The following PCDH11X variants were observed in gnomAD, a reference collection of about 807,000 sequenced individuals.
The protein encoded by PCDH11X is protocadherin-11 X-linked.
In PCDH11X, 18 loss-of-function variants were observed where a neutral mutation model predicts 53.3. The observed-to-expected ratio is 0.34, with a 90% CI of 0.23 to 0.50. The LOEUF is 0.50. Among genes scored for constraint, PCDH11X ranks in the 20% least tolerant of loss-of-function variants. The pLI is 0.98. For synonymous variants in PCDH11X, 279 were observed against 393.3 expected, an observed-to-expected ratio of 0.71 and a Z score of 3.44; for missense variants, 570 against 1,032.4, an observed-to-expected ratio of 0.55 and a Z score of 6.14.
intron 1 of PCDH11X, among the ~76,000 whole-genome samples, chrX:91,791,856 CA>C (rs1329992707): frequency 1.4e-4 from 11 of 80,103 alleles, no homozygotes; most frequent in South Asian, 5.8e-4. Flanking sequence ...ACGATCAGTA[CA>C]TTTTTTTTTT....
At chrX:92,160,460 C>A (rs1171738675) in intron 6 of PCDH11X, among the ~76,000 whole-genome samples, 17 of 108,569 alleles carry the variant, frequency 1.6e-4, no homozygotes, top group Non-Finnish European at 2.7e-4. Context: ...AGTCTCCGAT[C>A]CTATCCAGGT....
intron 6 of PCDH11X, among the ~76,000 whole-genome samples, chrX:92,184,340 A>G (rs1258012897): frequency 8.9e-6 from 1 of 112,362 alleles, no homozygotes; most frequent in Non-Finnish European, 1.9e-5. Flanking sequence ...TGCATCTACA[A>G]TAAAATGGAA....
chrX:92,597,341 G>A (rs905128890), intron 10 of PCDH11X, among the ~76,000 whole-genome samples: 2 of 110,264 alleles, frequency 1.8e-5, no homozygotes, highest in African/African-American at 6.6e-5. Flanking sequence ...TGCACGATAT[G>A]AAATAAAAAT....
intron 6 of PCDH11X, among the ~76,000 whole-genome samples, chrX:92,143,042 T>G (rs2065213166): frequency 1.8e-5 from 2 of 111,231 alleles, no homozygotes; most frequent in Admixed American, 1.9e-4. Flanking sequence ...TTTGGGAGGC[T>G]AAGGTGGGAG....
chrX:92,113,131 GA>G (rs1187901833), intron 6 of PCDH11X: 15 of 716,513 alleles, frequency 2.1e-5, no homozygotes, highest in Non-Finnish European at 2.8e-5. Context: ...TTTATTCAAA[GA>G]AAAAAAATGA....
intron 6 of PCDH11X, among the ~76,000 whole-genome samples, chrX:92,033,124 T>C (rs1487113276): frequency 1.8e-5 from 2 of 110,375 alleles, no homozygotes; most frequent in African/African-American, 3.3e-5. Flanking sequence ...AGTTTAAATG[T>C]ATTGTTGGAT....
At chrX:92,380,451 G>A (rs1019776142) in intron 8 of PCDH11X, among the ~76,000 whole-genome samples, 1 of 112,230 alleles carries the variant, frequency 8.9e-6, no homozygotes, top group Non-Finnish European at 1.9e-5. Context: ...CGGCCACAGA[G>A]GTTTCTGTCT....
intron 10 of PCDH11X, among the ~76,000 whole-genome samples, chrX:92,489,751 TTA>T (rs761167180): frequency 7.4e-4 from 77 of 104,440 alleles, no homozygotes; most frequent in African/African-American, 2.3e-3. Context: ...GCCACAAAAT[TTA>T]TATATATATA....
At chrX:92,160,761 T>A (rs895512189) in intron 6 of PCDH11X, among the ~76,000 whole-genome samples, 2 of 110,121 alleles carry the variant, frequency 1.8e-5, no homozygotes, top group African/African-American at 6.6e-5. Flanking sequence ...CTGTTTTTCA[T>A]AATAGTTGTA....
At chrX:91,904,211 C>A (rs1290106443) in intron 6 of PCDH11X, among the ~76,000 whole-genome samples, 1 of 110,788 alleles carries the variant, frequency 9.0e-6, no homozygotes, top group African/African-American at 3.3e-5. Context: ...GTGGTTTTTG[C>A]GATTAAAAGT....
rs754168068 is a variant in PCDH11X, at chrX:91,945,048, C to CATATATATAT, written c.3033+65786_3033+65795dup. On this transcript the variant is annotated intron_variant, in intron 6 of 10. Transcript: ENST00000682573. ...TCTAAGTCTTCGTAGACATCATATA[C>CATATATATAT]ATATATATATATATATATATTCTTA... Among the ~76,000 whole-genome samples the CATATATATAT allele has an allele frequency of 2.2e-3, 137 of 63,212 alleles. 14 individuals carry two copies. In the South Asian group the frequency reaches 0.053, roughly 24 times the overall value. The allele number at this position is 63,212 out of a possible 115,157, so 54.9% of individuals were successfully genotyped here. A position where few individuals can be genotyped will look rare whatever the true frequency, so the allele number is the denominator to read the frequency against.
intron 6 of PCDH11X, among the ~76,000 whole-genome samples, chrX:91,951,790 T>C (rs1219768381): frequency 9.0e-6 from 1 of 111,461 alleles, no homozygotes. Flanking sequence ...TAGGTAAGGA[T>C]TTGGAAATTT....
intron 9 of PCDH11X, among the ~76,000 whole-genome samples, chrX:92,406,626 TA>T (rs1256554575): frequency 4.2e-5 from 4 of 96,066 alleles, no homozygotes; most frequent in African/African-American, 1.6e-4. Flanking sequence ...CCTTTATTAT[TA>T]AAAATTGAAC....
intron 4 of PCDH11X, among the ~76,000 whole-genome samples, chrX:91,825,541 C>G (rs1048921697): frequency 2.7e-5 from 3 of 111,738 alleles, no homozygotes; most frequent in African/African-American, 9.8e-5. Context: ...AGCTCGCGCA[C>G]GGTGCGCGCA....
chrX:92,604,805 A>G (rs1926611736), intron 10 of PCDH11X, among the ~76,000 whole-genome samples: 1 of 109,221 alleles, frequency 9.2e-6, no homozygotes, highest in South Asian at 3.9e-4. Flanking sequence ...ATATCCGGCA[A>G]TAAAAGACTT....
At chrX:92,000,120 A>G (rs2062485420) in intron 6 of PCDH11X, among the ~76,000 whole-genome samples, 1 of 111,364 alleles carries the variant, frequency 9.0e-6, no homozygotes, top group African/African-American at 3.3e-5. Flanking sequence ...TGGATCATAC[A>G]AAGCCTACCC....
At chrX:92,312,826 T>C (rs1280558446) in intron 8 of PCDH11X, among the ~76,000 whole-genome samples, 1 of 111,429 alleles carries the variant, frequency 9.0e-6, no homozygotes, top group Non-Finnish European at 1.9e-5. Context: ...TTTTTTAAAC[T>C]ATGTACCCTG....
intron 10 of PCDH11X, among the ~76,000 whole-genome samples, chrX:92,604,716 A>G (rs755357936): frequency 4.9e-4 from 54 of 110,439 alleles, no homozygotes; most frequent in Non-Finnish European, 8.9e-4. Flanking sequence ...ACCCAGATTC[A>G]ATGCATTGAA....
At chrX:91,815,857 G>A (rs1272550022) in intron 4 of PCDH11X, among the ~76,000 whole-genome samples, 5 of 110,668 alleles carry the variant, frequency 4.5e-5, no homozygotes, top group African/African-American at 1.3e-4. Context: ...AGTGGATATG[G>A]GAAAGGTAAA....
Sources: gnomAD v4.1 joint callset for allele counts (sites outside exome capture counted in the v4.1 genomes callset) on GRCh38, gnomAD v4.1.1 for gene constraint, MANE v1.5 for transcripts, NCBI Gene and HGNC (gene_info 2026-07-23, HGNC 2026-07-21) for gene names.